The following NGF variants were observed in gnomAD, a reference collection of about 807,000 sequenced individuals.
The protein encoded by NGF is beta-nerve growth factor.
Under a neutral mutation model 12.8 loss-of-function variants are expected in NGF, and 4 were observed. The ratio of observed to expected loss-of-function variants is 0.31; its 90% CI spans 0.15 to 0.72. NGF has a LOEUF of 0.72. Ranked by LOEUF, NGF falls within the 30% of genes least tolerant of loss-of-function variation. The pLI, the probability that NGF is intolerant of heterozygous loss-of-function variation, is 0.69. For synonymous variants in NGF, 140 were observed against 130.0 expected (o/e 1.08, Z -0.52); for missense variants, 283 against 330.8 (o/e 0.86, Z 1.12).
intron 1 of NGF, among the ~76,000 whole-genome samples, chr1:115,317,819 A>G (rs1654512122): frequency 6.6e-6 from 1 of 152,266 alleles, no homozygotes; most frequent in African/African-American, 2.4e-5. Context: ...GAAAATTATC[A>G]GCAATAAGAT....
At chr1:115,319,348 C>A (rs1341810431) in intron 1 of NGF, among the ~76,000 whole-genome samples, 1 of 152,192 alleles carries the variant, frequency 6.6e-6, no homozygotes, top group Non-Finnish European at 1.5e-5. Flanking sequence ...GTATGCACTG[C>A]AGACACACAC....
rs199986960 is a variant in NGF, at chr1:115,301,137, GAACAA to G, written c.-136-7392_-136-7388del. Among the ~76,000 whole-genome samples, 121 of 152,180 alleles carry G rather than the reference GAACAA, an allele frequency of 8.0e-4. No individual in the cohort carries two copies. In the East Asian group the frequency reaches 0.012, roughly 15 times the overall value. On this transcript the variant is annotated intron_variant, in intron 1 of 2. Transcript: ENST00000369512. ...AAGGTTGATTTGATAATGACAACAT[GAACAA>G]AATAAAAAGTCTGCATTGGGGAAAT...
intron 1 of NGF, among the ~76,000 whole-genome samples, chr1:115,320,563 ACAAAGGGAT>A (rs1472463157): frequency 2.0e-5 from 3 of 152,226 alleles, no homozygotes; most frequent in Admixed American, 2.0e-4. Flanking sequence ...TAGAGAGCAG[ACAAAGGGAT>A]GATTCACGTT....
chr1:115,326,255 C>T (rs1654774082), intron 1 of NGF, among the ~76,000 whole-genome samples: 1 of 152,122 alleles, frequency 6.6e-6, no homozygotes, highest in Admixed American at 6.5e-5. Flanking sequence ...CCTGAGGTGT[C>T]CTGGCACTGT....
intron 1 of NGF, among the ~76,000 whole-genome samples, chr1:115,331,477 T>A (rs1482292772): frequency 6.6e-6 from 1 of 152,224 alleles, no homozygotes; most frequent in East Asian, 1.9e-4. Context: ...CCAGTTTTGA[T>A]ACTGCTTGCA....
intron 1 of NGF, among the ~76,000 whole-genome samples, chr1:115,321,815 A>G (rs1292530867): frequency 1.3e-5 from 2 of 152,126 alleles, no homozygotes; most frequent in Admixed American, 6.5e-5. Context: ...CCTTGTAATT[A>G]AAACTGAAAT....
chr1:115,289,655 A>G (rs1653623297), intron 2 of NGF, among the ~76,000 whole-genome samples: 1 of 152,068 alleles, frequency 6.6e-6, no homozygotes, highest in African/African-American at 2.4e-5. Context: ...TCTTCTCCCC[A>G]TCTTCCTTCT....
At chr1:115,336,977 A>T (rs749947003) in intron 1 of NGF, among the ~76,000 whole-genome samples, 1 of 152,206 alleles carries the variant, frequency 6.6e-6, no homozygotes, top group African/African-American at 2.4e-5. Flanking sequence ...CTTGGATGAC[A>T]GATGGGGCAG....
At chr1:115,324,682 A>C (rs1446274574) in intron 1 of NGF, among the ~76,000 whole-genome samples, 2 of 152,154 alleles carry the variant, frequency 1.3e-5, no homozygotes, top group African/African-American at 4.8e-5. Flanking sequence ...GCTTGAGAGG[A>C]AGCCCTTCTC....
intron 1 of NGF, among the ~76,000 whole-genome samples, chr1:115,301,325 C>T (rs1654028201): frequency 1.3e-5 from 2 of 152,196 alleles, no homozygotes. Flanking sequence ...GAGACTTAAC[C>T]TCTCTGCCCC....
intron 2 of NGF, among the ~76,000 whole-genome samples, chr1:115,290,289 T>C (rs2101022854): frequency 6.6e-6 from 1 of 151,352 alleles, no homozygotes; most frequent in Non-Finnish European, 1.5e-5. Flanking sequence ...GCTCTCCACC[T>C]CTGCTGGTGG....
At chr1:115,297,460 A>G (rs1653906344) in intron 1 of NGF, among the ~76,000 whole-genome samples, 1 of 152,214 alleles carries the variant, frequency 6.6e-6, no homozygotes, top group African/African-American at 2.4e-5. Flanking sequence ...CCCATGTCCA[A>G]CCAACCCCGA....
rs189603548 is a variant in NGF, at chr1:115,300,405, G to A, written c.-136-6655C>T. Among the ~76,000 whole-genome samples the A allele has an allele frequency of 1.3e-4, 20 of 152,322 alleles. No homozygotes were observed. In the East Asian group the frequency reaches 3.9e-3, roughly 29 times the overall value. Reference sequence around the variant, plus strand: ...TAAAATGCCACCCTTACTCATTAAAGTGTCCATTAGATGAGGCCATTTCTG... The same window carrying A: ...TAAAATGCCACCCTTACTCATTAAAATGTCCATTAGATGAGGCCATTTCTG... On this transcript the variant is annotated intron_variant, in intron 1 of 2. Coordinates refer to ENST00000369512, the MANE Select transcript of NGF (RefSeq NM_002506.3).
intron 1 of NGF, among the ~76,000 whole-genome samples, chr1:115,308,319 C>T (rs2101038701): frequency 6.6e-6 from 1 of 152,292 alleles, no homozygotes. Flanking sequence ...TGCCCAAGAC[C>T]CACAGTCATT....
intron 1 of NGF, among the ~76,000 whole-genome samples, chr1:115,295,855 C>T (rs1653850711): frequency 6.6e-6 from 1 of 152,068 alleles, no homozygotes; most frequent in Non-Finnish European, 1.5e-5. Context: ...AACACTTAAA[C>T]TTGCAGGTCC....
rs140679228 is a variant in NGF at position 115,321,551 on chromosome 1, C to T, written c.-137+16653G>A. Among the ~76,000 whole-genome samples, 380 of 149,392 alleles carry T rather than the reference C, an allele frequency of 2.5e-3. 2 individuals carry two copies. The highest frequency in any genetic ancestry group is 9.1e-3 in the African/African-American group (372 of 40,684). ...TTTGCCGTTGCCTCAGAAATGGCTC[C>T]ACTTTTGCATGATGTGTGTATGGGA... On this transcript the variant is annotated intron_variant, in intron 1 of 2. Transcript: ENST00000369512.
At chr1:115,304,253 C>T (rs2101035652) in intron 1 of NGF, among the ~76,000 whole-genome samples, 1 of 151,468 alleles carries the variant, frequency 6.6e-6, no homozygotes, top group South Asian at 2.1e-4. Flanking sequence ...ACCTCCACCT[C>T]CTGGGTTCAA....
At chr1:115,310,999 C>T (rs1654321927) in intron 1 of NGF, among the ~76,000 whole-genome samples, 2 of 152,094 alleles carry the variant, frequency 1.3e-5, no homozygotes, top group Non-Finnish European at 1.5e-5. Flanking sequence ...GGCTCACTTA[C>T]GCTTGAGGCC....
intron 1 of NGF, among the ~76,000 whole-genome samples, chr1:115,318,578 C>A (rs1202395248): frequency 6.6e-6 from 1 of 152,208 alleles, no homozygotes; most frequent in African/African-American, 2.4e-5. Context: ...CACCTTCCAA[C>A]AGTCTGTCTG....
Sources: allele counts gnomAD v4.1 joint callset (sites outside exome capture counted in the v4.1 genomes callset), GRCh38; gene constraint gnomAD v4.1.1; transcripts MANE v1.5; gene names NCBI Gene and HGNC (gene_info 2026-07-23, HGNC 2026-07-21).